Variants in ESR1 observed in about 807,000 individuals in gnomAD.
The protein encoded by ESR1 is estrogen receptor.
Under a neutral mutation model 52.7 loss-of-function variants are expected in ESR1, and 12 were observed. That is an observed-to-expected ratio of 0.23 (90% CI 0.15 to 0.37). The LOEUF (loss-of-function observed/expected upper bound fraction) is 0.37. Among genes scored for constraint, ESR1 ranks in the 10% least tolerant of loss-of-function variants. The pLI is 1.00. For synonymous variants in ESR1, 305 were observed against 316.8 expected (o/e 0.96, Z 0.39); for missense variants, 584 against 779.7 (o/e 0.75, Z 2.99).
intron 2 of ESR1, among the ~76,000 whole-genome samples, chr6:151,876,333 G>A (rs985191377): frequency 6.6e-6 from 1 of 152,058 alleles, no homozygotes; most frequent in African/African-American, 2.4e-5. Flanking sequence ...TGATGGACAG[G>A]GGCAGGTGGA....
At chr6:151,797,102 C>T (rs1319552962) in intron 2 of ESR1, among the ~76,000 whole-genome samples, 3 of 152,200 alleles carry the variant, frequency 2.0e-5, no homozygotes, top group Non-Finnish European at 2.9e-5. Context: ...AAGAGCATGT[C>T]ACTGGGGTTA....
chr6:152,054,035 A>T (rs1209247603), intron 5 of ESR1, among the ~76,000 whole-genome samples: 1 of 152,154 alleles, frequency 6.6e-6, no homozygotes, highest in Non-Finnish European at 1.5e-5. Flanking sequence ...GATGAGGTAT[A>T]TTTTAACAAG....
intron 4 of ESR1, among the ~76,000 whole-genome samples, chr6:151,993,104 A>T (rs982953358): frequency 2.6e-5 from 4 of 152,190 alleles, no homozygotes; most frequent in Admixed American, 6.5e-5. Flanking sequence ...ATTGTACTTC[A>T]TGACAATAAA....
At chr6:151,983,003 C>T (rs964084451) in intron 4 of ESR1, among the ~76,000 whole-genome samples, 2 of 152,050 alleles carry the variant, frequency 1.3e-5, no homozygotes, top group Non-Finnish European at 2.9e-5. Flanking sequence ...TTTCTGATAA[C>T]TGAGTTATCA....
chr6:151,827,992 C>A (rs1045587221), intron 1 of ESR1, among the ~76,000 whole-genome samples: 23 of 152,160 alleles, frequency 1.5e-4, no homozygotes, highest in African/African-American at 5.3e-4. Context: ...GAAAATGACG[C>A]AGAATTATTT....
chr6:152,028,548 T>C (rs901716384), intron 5 of ESR1, among the ~76,000 whole-genome samples: 2 of 152,282 alleles, frequency 1.3e-5, no homozygotes, highest in Admixed American at 1.3e-4. Context: ...CGCTCATTGC[T>C]AGCACAGCAG....
intron 1 of ESR1, among the ~76,000 whole-genome samples, chr6:151,672,663 A>T (rs1002807218): frequency 1.3e-5 from 2 of 149,936 alleles, no homozygotes; most frequent in African/African-American, 4.9e-5. Flanking sequence ...AATAGAGACG[A>T]GGTTTCACCA....
chr6:151,899,350 C>A (rs1796188888), intron 3 of ESR1, among the ~76,000 whole-genome samples: 1 of 113,426 alleles, frequency 8.8e-6, no homozygotes, highest in Non-Finnish European at 1.7e-5. Flanking sequence ...AGGCGGGGGG[C>A]TGACCCCCCC....
rs1285341738 is a variant in ESR1 at position 152,099,391 on chromosome 6, A to T, written c.*425A>T. ...AGAATAAGCCACAGCAAAGAATTTAAAGTGGCTCCTTTAATTGGTGACTTG... is the reference window on the plus strand; with the variant it reads ...AGAATAAGCCACAGCAAAGAATTTATAGTGGCTCCTTTAATTGGTGACTTG... On this transcript the variant is annotated 3_prime_UTR_variant, in exon 8 of 8. Transcript: ENST00000206249. The T allele has an allele frequency of 1.2e-5, 4 of 320,916 alleles. No individual in the cohort carries two copies. Among genetic ancestry groups the T allele is most frequent in the Non-Finnish European group, 2.3e-5 (4 of 170,370 alleles). The allele number at this position is 320,916 out of a possible 1,614,324, so 19.9% of individuals were successfully genotyped here. A position where few individuals can be genotyped will look rare whatever the true frequency, so the allele number is the denominator to read the frequency against.
intron 2 of ESR1, among the ~76,000 whole-genome samples, chr6:151,795,315 C>T (rs1776587816): frequency 6.6e-6 from 1 of 151,404 alleles, no homozygotes; most frequent in African/African-American, 2.4e-5. Flanking sequence ...GGCGAAACCC[C>T]GCCTCTACTA....
chr6:151,685,500 T>C (rs116610941), upstream of ESR1, among the ~76,000 whole-genome samples: 2,984 of 152,300 alleles, frequency 0.02, 84 homozygotes, highest in African/African-American at 0.066. Flanking sequence ...ACCTTAGTAG[T>C]TGACAAACGT....
intron 4 of ESR1, among the ~76,000 whole-genome samples, chr6:151,945,605 A>T (rs2035610112): frequency 6.6e-6 from 1 of 152,042 alleles, no homozygotes; most frequent in African/African-American, 2.4e-5. Context: ...AAGAAGCTAA[A>T]TTTTTTTTCT....
intron 2 of ESR1, among the ~76,000 whole-genome samples, chr6:151,746,096 T>A (rs1051122986): frequency 2.0e-5 from 3 of 152,356 alleles, no homozygotes; most frequent in East Asian, 3.8e-4. Context: ...CACATTTTTT[T>A]GTTTATCCAT....
At chr6:151,705,650 A>G (rs1045636066) in intron 2 of ESR1, among the ~76,000 whole-genome samples, 1 of 152,156 alleles carries the variant, frequency 6.6e-6, no homozygotes. Context: ...CTGTATTTCC[A>G]TTCTTACAGG....
intron 2 of ESR1, among the ~76,000 whole-genome samples, chr6:151,753,145 G>C (rs1357732634): frequency 6.6e-6 from 1 of 152,114 alleles, no homozygotes; most frequent in Admixed American, 6.5e-5. Flanking sequence ...TTCTTCAACT[G>C]TTGACGTGCT....
At chr6:151,714,443 G>A (rs1267713417) in intron 2 of ESR1, among the ~76,000 whole-genome samples, 1 of 152,248 alleles carries the variant, frequency 6.6e-6, no homozygotes, top group African/African-American at 2.4e-5. Context: ...GGGTGTTAAA[G>A]TCTCCCGCTA....
intron 2 of ESR1, among the ~76,000 whole-genome samples, chr6:151,757,406 A>G (rs1784372769): frequency 6.6e-6 from 1 of 152,190 alleles, no homozygotes; most frequent in Non-Finnish European, 1.5e-5. Flanking sequence ...GACATATTAA[A>G]AAGTTTCCAT....
chr6:151,678,517 C>T (rs549562138), intron 1 of ESR1, among the ~76,000 whole-genome samples: 5 of 151,520 alleles, frequency 3.3e-5, no homozygotes, highest in Admixed American at 6.6e-5. Context: ...CCCCAAAAAT[C>T]GGAACATCTG....
chr6:152,117,504 C>G (rs990558261), intron 6 of ESR1, among the ~76,000 whole-genome samples: 2 of 152,202 alleles, frequency 1.3e-5, no homozygotes, highest in Non-Finnish European at 2.9e-5. Flanking sequence ...TGTTCCCACT[C>G]TTGTATTAGG....
Sources: gnomAD v4.1 joint callset for allele counts (sites outside exome capture counted in the v4.1 genomes callset) on GRCh38, gnomAD v4.1.1 for gene constraint, MANE v1.5 for transcripts, NCBI Gene and HGNC (gene_info 2026-07-23, HGNC 2026-07-21) for gene names.